PIK3C2G: variants seen among roughly 807,000 people sequenced by gnomAD.
PIK3C2G encodes phosphatidylinositol 3-kinase C2 domain-containing subunit gamma.
Under a neutral mutation model 181.1 loss-of-function variants are expected in PIK3C2G, and 168 were observed. The observed-to-expected ratio is 0.93, with a 90% confidence interval of 0.82 to 1.05. The LOEUF (loss-of-function observed/expected upper bound fraction) is 1.05, where lower values mean the gene tolerates loss of function less well. Among genes scored for constraint, PIK3C2G ranks in the 50% least tolerant of loss-of-function variants. The pLI, the probability that PIK3C2G is intolerant of heterozygous loss-of-function variation, is 0.00. For missense variants in PIK3C2G, 1,869 were observed against 1,732.8 expected (o/e 1.08, Z -1.40); for synonymous variants, 573 against 592.2 (o/e 0.97, Z 0.47).
downstream of PIK3C2G, among the ~76,000 whole-genome samples, chr12:18,652,113 T>C (rs1284956601): frequency 2.0e-5 from 3 of 152,222 alleles, no homozygotes; most frequent in South Asian, 2.1e-4. Context: ...CTCCCCAAAA[T>C]TGATAGGTTG....
chr12:18,428,061 C>T (rs771448190), intron 18 of PIK3C2G, among the ~76,000 whole-genome samples: 11 of 151,892 alleles, frequency 7.2e-5, no homozygotes, highest in Non-Finnish European at 2.9e-5. Context: ...GTTATTGTTC[C>T]TGATCCTCTA....
At chr12:18,498,560 T>C (rs1375456817) in intron 22 of PIK3C2G, among the ~76,000 whole-genome samples, 4 of 141,610 alleles carry the variant, frequency 2.8e-5, no homozygotes, top group African/African-American at 1.1e-4. Context: ...ATCTAGACCA[T>C]GTAGTCATTT....
chr12:18,336,421 G>T (rs879365481), intron 8 of PIK3C2G, among the ~76,000 whole-genome samples: 5 of 152,072 alleles, frequency 3.3e-5, no homozygotes, highest in Admixed American at 3.3e-4. Flanking sequence ...TGAGATTGTT[G>T]TCTTTTGGTA....
intron 1 of PIK3C2G, among the ~76,000 whole-genome samples, chr12:18,279,160 T>G (rs1406607954): frequency 6.6e-6 from 1 of 152,138 alleles, no homozygotes; most frequent in East Asian, 1.9e-4. Context: ...TTCACCCATA[T>G]GCCTCCTTTA....
the PIK3C2G span, chr12:18,694,053 T>C: frequency 2.1e-5 from 29 of 1,364,622 alleles, no homozygotes; most frequent in South Asian, 2.9e-4. Flanking sequence ...AAAGAAAATG[T>C]TCTTTATAAG....
At chr12:18,693,728 G>A in the PIK3C2G span, 2 of 1,544,090 alleles carry the variant, frequency 1.3e-6, no homozygotes. Context: ...CCAGTTGGAT[G>A]GATTTGATTC....
chr12:18,550,813 G>A (rs577219266), intron 26 of PIK3C2G, among the ~76,000 whole-genome samples: 5 of 152,076 alleles, frequency 3.3e-5, no homozygotes, highest in South Asian at 2.1e-4. Context: ...GCCAAGACCA[G>A]GCCATCTGAG....
chr12:18,523,131 T>C (rs1320841021), intron 24 of PIK3C2G, among the ~76,000 whole-genome samples: 1 of 152,194 alleles, frequency 6.6e-6, no homozygotes, highest in African/African-American at 2.4e-5. Flanking sequence ...ATGTATTCTT[T>C]TGTTTTCCAT....
intron 24 of PIK3C2G, among the ~76,000 whole-genome samples, chr12:18,535,742 T>A (rs917683373): frequency 5.3e-5 from 8 of 152,232 alleles, no homozygotes; most frequent in African/African-American, 1.9e-4. Context: ...ACATATAAAA[T>A]TAAGATATTT....
At chr12:18,302,092 T>C (rs1205061976) in intron 5 of PIK3C2G, among the ~76,000 whole-genome samples, 1 of 152,176 alleles carries the variant, frequency 6.6e-6, no homozygotes, top group African/African-American at 2.4e-5. Context: ...GCTTCCAGTG[T>C]GGTAGTGGTG....
At chr12:18,569,384 C>T (rs1200160189) in intron 29 of PIK3C2G, among the ~76,000 whole-genome samples, 2 of 152,054 alleles carry the variant, frequency 1.3e-5, no homozygotes, top group Non-Finnish European at 2.9e-5. Context: ...TGAGCCCTCT[C>T]GAACACCTGA....
At chr12:18,630,061 T>C (rs73070254) in intron 31 of PIK3C2G, among the ~76,000 whole-genome samples, 6,218 of 152,082 alleles carry the variant, frequency 0.041, 139 homozygotes, top group Middle Eastern at 0.075. Context: ...AAGGAAAGGA[T>C]TTGCTATAAA....
intron 32 of PIK3C2G, 52 bp downstream of exon 32, chr12:18,640,606 T>G: frequency 6.7e-7 from 1 of 1,499,262 alleles, no homozygotes; most frequent in Non-Finnish European, 9.0e-7. Flanking sequence ...CTTACCATTT[T>G]TCAGCTTAAC....
chr12:18,532,963 T>C (rs150448413), intron 24 of PIK3C2G, among the ~76,000 whole-genome samples: 85 of 151,396 alleles, frequency 5.6e-4, no homozygotes, highest in African/African-American at 1.9e-3. Context: ...TTTAGCAGCA[T>C]GTATTTCATG....
chr12:18,567,996 G>C (rs1466941157), intron 29 of PIK3C2G, among the ~76,000 whole-genome samples: 2 of 152,146 alleles, frequency 1.3e-5, no homozygotes, highest in East Asian at 3.9e-4. Context: ...TGACCTCTGA[G>C]TGTGTCATCA....
At chr12:18,375,568 G>T (rs1942376544) in intron 13 of PIK3C2G, among the ~76,000 whole-genome samples, 1 of 152,192 alleles carries the variant, frequency 6.6e-6, no homozygotes, top group African/African-American at 2.4e-5. Flanking sequence ...GGCAGAGAAA[G>T]AAAAAGCATT....
At chr12:18,602,406 C>T (rs920779774) in intron 30 of PIK3C2G, among the ~76,000 whole-genome samples, 3 of 151,420 alleles carry the variant, frequency 2.0e-5, no homozygotes, top group Non-Finnish European at 2.9e-5. Flanking sequence ...AGCTCAGACA[C>T]GCCTAGCCCC....
At chr12:18,278,000 C>A (rs1456214483) in intron 1 of PIK3C2G, among the ~76,000 whole-genome samples, 1 of 152,110 alleles carries the variant, frequency 6.6e-6, no homozygotes, top group Admixed American at 6.6e-5. Flanking sequence ...ACTTTCCAAC[C>A]AATAATAGAG....
intron 18 of PIK3C2G, among the ~76,000 whole-genome samples, chr12:18,478,012 A>C (rs1939174150): frequency 6.6e-6 from 1 of 152,226 alleles, no homozygotes; most frequent in Non-Finnish European, 1.5e-5. Context: ...AAACATTCAT[A>C]TAGCAAAGGA....
Sources: gnomAD v4.1 joint callset for allele counts (sites outside exome capture counted in the v4.1 genomes callset) on GRCh38, gnomAD v4.1.1 for gene constraint, MANE v1.5 for transcripts, NCBI Gene and HGNC (gene_info 2026-07-23, HGNC 2026-07-21) for gene names.